The following DPY19L3 variants were observed in gnomAD, a reference collection of about 807,000 sequenced individuals.
The protein encoded by DPY19L3 is dpy-19 like C-mannosyltransferase 3.
In DPY19L3, 51 loss-of-function variants were observed where a neutral mutation model predicts 92.3. The ratio of observed to expected loss-of-function variants is 0.55; its 90% CI spans 0.44 to 0.70. The LOEUF is 0.70. Among genes scored for constraint, DPY19L3 ranks in the 30% least tolerant of loss-of-function variants. The pLI is 0.00. For synonymous variants in DPY19L3, 309 were observed against 315.2 expected, an observed-to-expected ratio of 0.98 and a Z score of 0.21; for missense variants, 706 against 855.9, an observed-to-expected ratio of 0.82 and a Z score of 2.18.
At chr19:32,413,078 C>T (rs953081594) in intron 3 of DPY19L3, 1 of 152,146 alleles carries the variant, frequency 6.6e-6, no homozygotes, top group African/African-American at 2.4e-5. Context: ...TGGAAATTTG[C>T]ATCCAAATAT....
intron 8 of DPY19L3, 90 bp downstream of exon 8, chr19:32,440,000 G>T: frequency 6.6e-7 from 1 of 1,509,340 alleles, no homozygotes; most frequent in Non-Finnish European, 8.9e-7. Flanking sequence ...AGTACTTATG[G>T]ATAAAATTGA....
chr19:32,454,300 C>T (rs1285992209), intron 9 of DPY19L3, among the ~76,000 whole-genome samples: 5 of 152,102 alleles, frequency 3.3e-5, no homozygotes, highest in African/African-American at 9.7e-5. Context: ...CAGGGCCAGG[C>T]GTGGTGGCTC....
intron 15 of DPY19L3, 26 bp from the exon 16 acceptor site, chr19:32,468,705 T>TTG (rs779751104): frequency 6.2e-7 from 1 of 1,610,792 alleles, no homozygotes; most frequent in African/African-American, 1.3e-5. Context: ...GATTTTGTTT[T>TTG]TGTTTTGTTT....
chr19:32,478,970 T>G (rs921654976), intron 17 of DPY19L3, among the ~76,000 whole-genome samples: 6 of 97,744 alleles, frequency 6.1e-5, no homozygotes, highest in African/African-American at 1.6e-4. Context: ...AAGTCCTCTC[T>G]CTACAGGTTG....
chr19:32,477,759 G>T, intron 17 of DPY19L3, 105 bp downstream of exon 17: 1 of 1,434,124 alleles, frequency 7.0e-7, no homozygotes, highest in East Asian at 2.4e-5. Flanking sequence ...TCCAGCATTA[G>T]GTTAGGAGGA....
intron 2 of DPY19L3, among the ~76,000 whole-genome samples, chr19:32,410,353 A>G (rs1373972085): frequency 6.6e-6 from 1 of 152,178 alleles, no homozygotes; most frequent in Admixed American, 6.5e-5. Flanking sequence ...AGGGTATTTA[A>G]GCTTTCTTAT....
At chr19:32,433,160 G>C (rs1969025214) in intron 4 of DPY19L3, among the ~76,000 whole-genome samples, 1 of 152,172 alleles carries the variant, frequency 6.6e-6, no homozygotes, top group South Asian at 2.1e-4. Flanking sequence ...GAAAATTACA[G>C]TTGTGCCTCT....
intron 16 of DPY19L3, among the ~76,000 whole-genome samples, chr19:32,473,733 T>C (rs542360491): frequency 6.6e-6 from 1 of 152,262 alleles, no homozygotes; most frequent in Admixed American, 6.5e-5. Flanking sequence ...CAAAGCCACA[T>C]GGCATGGAGG....
chr19:32,479,569 T>G (rs749555849), intron 17 of DPY19L3: 1 of 423,852 alleles, frequency 2.4e-6, no homozygotes, highest in Non-Finnish European at 4.7e-6. Flanking sequence ...CCCATCCATG[T>G]GGACACATCA....
At chr19:32,460,893 C>G (rs190902345) in intron 12 of DPY19L3, among the ~76,000 whole-genome samples, 1 of 96,588 alleles carries the variant, frequency 1.0e-5, no homozygotes, top group African/African-American at 4.4e-5. Flanking sequence ...TTTTGAAATG[C>G]ATCTCGCTCT....
chr19:32,439,979 G>A, intron 8 of DPY19L3, 69 bp downstream of exon 8: 5 of 1,567,842 alleles, frequency 3.2e-6, no homozygotes, highest in Non-Finnish European at 4.3e-6. Flanking sequence ...AGAATGAGAT[G>A]AAAATATGCA....
chr19:32,464,406 G>A (rs139388825), intron 14 of DPY19L3, among the ~76,000 whole-genome samples: 21 of 152,284 alleles, frequency 1.4e-4, no homozygotes, highest in Non-Finnish European at 2.6e-4. Context: ...TATAGTAGAA[G>A]CTGCAGATAT....
At chr19:32,407,739 A>G (rs972165024) in intron 1 of DPY19L3, among the ~76,000 whole-genome samples, 3 of 152,196 alleles carry the variant, frequency 2.0e-5, no homozygotes, top group African/African-American at 7.2e-5. Flanking sequence ...ATTGAGTTGA[A>G]TAAATATTTG....
At chr19:32,461,317 C>T (rs1056628925) in intron 12 of DPY19L3, among the ~76,000 whole-genome samples, 2 of 152,180 alleles carry the variant, frequency 1.3e-5, no homozygotes, top group Admixed American at 6.5e-5. Flanking sequence ...ATGTAGACAT[C>T]TGCATTAGTG....
chr19:32,410,949 G>C (rs117425823), intron 2 of DPY19L3, among the ~76,000 whole-genome samples: 1 of 152,160 alleles, frequency 6.6e-6, no homozygotes, highest in Non-Finnish European at 1.5e-5. Flanking sequence ...TTGTTAAACT[G>C]TGCCGGACAG....
At position 32,458,362 on chromosome 19, in the gene DPY19L3, C is replaced by G. The variant is rs770095074; in HGVS notation, c.1175C>G (p.Ala392Gly). 1.2e-6 allele frequency: 2 copies of G among 1,610,330 alleles called. No homozygotes were observed. The highest frequency in any genetic ancestry group is 1.7e-6 in the Non-Finnish European group (2 of 1,179,128). Residue 392 changes from alanine (A) to glycine (G), a missense_variant, in exon 12 of 19, where the codon GCA (alanine) becomes GGA (glycine). Transcript: ENST00000392250. The stretch of plus-strand genomic sequence containing the variant: ...CATTTGTTCCCTAGGGATTTTGATG[C>G]AAATCTCTATCTGTGTGAAGAAGCT... ...FGLGATRDFD[A>G]NLYLCEEAFG...
chr19:32,485,725 TTGTTCATGGAAAAAA>T lies in DPY19L3; in HGVS notation c.*3486_*3500del, dbSNP rs1173978876. 2 of 152,214 alleles carry T rather than the reference TTGTTCATGGAAAAAA, an allele frequency of 1.3e-5. No individual in the cohort carries two copies. Among genetic ancestry groups the T allele is most frequent in the Non-Finnish European group, 2.9e-5 (2 of 68,036 alleles). The allele number at this position is 152,214 out of a possible 1,614,324, so 9.4% of individuals were successfully genotyped here. A position where few individuals can be genotyped will look rare whatever the true frequency, so the allele number is the denominator to read the frequency against. ...GCAACCTTTTGGCCTAAGAGAATGT[TTGTTCATGGAAAAAA>T]GCTTTTGAGATGAGAGGGTGTCTTA... On this transcript the variant is annotated 3_prime_UTR_variant, in exon 19 of 19. Transcript: ENST00000392250.
chr19:32,417,373 G>A (rs902348060), intron 3 of DPY19L3, among the ~76,000 whole-genome samples: 2 of 152,176 alleles, frequency 1.3e-5, no homozygotes, highest in Non-Finnish European at 2.9e-5. Context: ...AGACTGGAGT[G>A]CAGTGGCACG....
intron 6 of DPY19L3, among the ~76,000 whole-genome samples, chr19:32,438,700 A>G (rs28413861): frequency 6.6e-6 from 1 of 152,124 alleles, no homozygotes; most frequent in Non-Finnish European, 1.5e-5. Flanking sequence ...AAGTTTTTTT[A>G]AAAAATACTG....
Sources: gnomAD v4.1 joint callset for allele counts (sites outside exome capture counted in the v4.1 genomes callset) on GRCh38, gnomAD v4.1.1 for gene constraint, MANE v1.5 for transcripts, NCBI Gene and HGNC (gene_info 2026-07-23, HGNC 2026-07-21) for gene names.